The following OPCML variants were observed in gnomAD, a reference collection of about 807,000 sequenced individuals.
The protein encoded by OPCML is opioid binding protein/cell adhesion molecule like.
OPCML carries 13 observed loss-of-function variants against 37.8 expected under a neutral mutation model. The observed-to-expected ratio is 0.34, with a 90% confidence interval of 0.22 to 0.55. The LOEUF (loss-of-function observed/expected upper bound fraction) is 0.55. OPCML is among the 20% of genes least tolerant of loss of function. The probability of loss-of-function intolerance (pLI) is 0.91; values close to 1 mark genes in which losing one functional copy is unlikely to be tolerated. For missense variants in OPCML, 341 were observed against 435.6 expected, an observed-to-expected ratio of 0.78 and a Z score of 1.93; for synonymous variants, 176 against 168.8, an observed-to-expected ratio of 1.04 and a Z score of -0.33.
At chr11:132,765,515 T>A (rs150755207) in intron 2 of OPCML, among the ~76,000 whole-genome samples, 109 of 151,902 alleles carry the variant, frequency 7.2e-4, no homozygotes, top group Middle Eastern at 3.4e-3. Context: ...TAATTCCTGA[T>A]ATGAGCAGAT....
intron 1 of OPCML, chr11:133,007,125 C>T: frequency 1.0e-6 from 1 of 985,392 alleles, no homozygotes; most frequent in Non-Finnish European, 1.2e-6. Context: ...TTATTTTCCC[C>T]AAACTTATCA....
At chr11:133,360,746 G>T (rs192827490) in intron 1 of OPCML, 1 of 152,184 alleles carries the variant, frequency 6.6e-6, no homozygotes, top group Non-Finnish European at 1.5e-5. Flanking sequence ...CGGCCACGTG[G>T]GGAATATTTA....
intron 3 of OPCML, among the ~76,000 whole-genome samples, chr11:132,585,858 A>C (rs780841009): frequency 6.6e-6 from 1 of 152,216 alleles, no homozygotes; most frequent in South Asian, 2.1e-4. Context: ...CAGAGCTGGC[A>C]AAGATTTCAA....
At chr11:133,086,602 A>G (rs538974385) in intron 1 of OPCML, among the ~76,000 whole-genome samples, 1 of 151,056 alleles carries the variant, frequency 6.6e-6, no homozygotes, top group East Asian at 1.9e-4. Flanking sequence ...GATGTAATGC[A>G]TGGTGTAATG....
intron 1 of OPCML, among the ~76,000 whole-genome samples, chr11:133,280,724 G>C (rs1942122751): frequency 6.6e-6 from 1 of 152,088 alleles, no homozygotes; most frequent in Non-Finnish European, 1.5e-5. Flanking sequence ...GTAGAAGCTG[G>C]TACCCTGGTT....
rs550727049 is a variant in OPCML, at chr11:133,300,892, T to A, written c.61+231372A>T. On this transcript the variant is annotated intron_variant, in intron 1 of 7. Transcript: ENST00000524381. ...AGGCATGTGGGCAGCCGCCAGAAGCTGGAAGAGAGGAGAAAAGGACTCTCC... is the reference window on the plus strand; with the variant it reads ...AGGCATGTGGGCAGCCGCCAGAAGCAGGAAGAGAGGAGAAAAGGACTCTCC... 1.7e-3 allele frequency: 259 copies of A among 152,258 alleles called. 2 individuals carry two copies. Among genetic ancestry groups the A allele is most frequent in the African/African-American group, 5.8e-3 (240 of 41,550 alleles). The allele number at this position is 152,258 out of a possible 1,614,324, so 9.4% of individuals were successfully genotyped here. A position where few individuals can be genotyped will look rare whatever the true frequency, so the allele number is the denominator to read the frequency against.
intron 1 of OPCML, among the ~76,000 whole-genome samples, chr11:132,945,196 T>A (rs1282840916): frequency 6.6e-6 from 1 of 152,202 alleles, no homozygotes. Context: ...GGGGATACAA[T>A]CTGAGAACTG....
At chr11:132,516,297 C>T (rs1022705516) in intron 4 of OPCML, among the ~76,000 whole-genome samples, 13 of 152,176 alleles carry the variant, frequency 8.5e-5, no homozygotes, top group African/African-American at 3.1e-4. Context: ...ACAGCTAGGA[C>T]TTGAAGTGCC....
rs1375731735 is a variant in OPCML, at chr11:133,161,961, A to G, written c.62-218951T>C. On this transcript the variant is annotated intron_variant, in intron 1 of 7. Transcript: ENST00000524381. ...AGATCAGGGATAACCACAACAAGTA[A>G]CAGGTAAGAGAGGCAGTCTCTGTCT... 4.7e-5 allele frequency among the ~76,000 whole-genome samples: 7 copies of G among 150,270 alleles called. No homozygotes were observed. The East Asian group carries it at 5.9e-4, about 13-fold the overall frequency.
chr11:133,176,346 T>C (rs1323180730), intron 1 of OPCML, among the ~76,000 whole-genome samples: 1 of 151,574 alleles, frequency 6.6e-6, no homozygotes, highest in Non-Finnish European at 1.5e-5. Flanking sequence ...CCTTTTTTTT[T>C]TTTTTTCATT....
chr11:133,421,080 AACAT>A, intron 1 of OPCML: 1 of 985,418 alleles, frequency 1.0e-6, no homozygotes, highest in Non-Finnish European at 1.2e-6. Context: ...TTGGAGGGCA[AACAT>A]AATCTGCGGT....
At chr11:133,008,150 T>C (rs756269438) in intron 1 of OPCML, 16 of 985,330 alleles carry the variant, frequency 1.6e-5, no homozygotes, top group Non-Finnish European at 1.9e-5. Context: ...GAAAGATGGC[T>C]TTAAAATAAC....
chr11:133,115,182 G>T (rs1385686058), intron 1 of OPCML, among the ~76,000 whole-genome samples: 2 of 152,212 alleles, frequency 1.3e-5, no homozygotes, highest in Non-Finnish European at 2.9e-5. Flanking sequence ...GCTCAGCAAA[G>T]CTACCTGCAT....
intron 4 of OPCML, among the ~76,000 whole-genome samples, chr11:132,463,848 T>A (rs897290210): frequency 6.6e-6 from 1 of 152,212 alleles, no homozygotes. Context: ...CTATTGCTAG[T>A]CTAGCTACTG....
At chr11:133,323,343 C>T (rs1216612310) in intron 1 of OPCML, among the ~76,000 whole-genome samples, 1 of 152,188 alleles carries the variant, frequency 6.6e-6, no homozygotes, top group Non-Finnish European at 1.5e-5. Flanking sequence ...GTAAAACACC[C>T]TCACATAGGA....
intron 4 of OPCML, 77 bp downstream of exon 4, chr11:132,528,984 C>A: frequency 2.6e-6 from 2 of 782,980 alleles, no homozygotes; most frequent in Non-Finnish European, 4.1e-6. Flanking sequence ...TTTTCTGATT[C>A]CTGAAGCTCT....
intron 1 of OPCML, among the ~76,000 whole-genome samples, chr11:133,314,776 A>G (rs1472129966): frequency 1.3e-5 from 2 of 152,208 alleles, no homozygotes; most frequent in African/African-American, 4.8e-5. Context: ...GCTCCCAAGC[A>G]ATGGACATTG....
At chr11:133,362,841 G>A (rs780021733) in intron 1 of OPCML, among the ~76,000 whole-genome samples, 1 of 151,940 alleles carries the variant, frequency 6.6e-6, no homozygotes, top group Non-Finnish European at 1.5e-5. Flanking sequence ...CTTCTGCCCC[G>A]CTAGAGTTGT....
In OPCML at chr11:132,441,490, G is replaced by C. The variant is rs1390546696; in HGVS notation, c.506-4131C>G. Among the ~76,000 whole-genome samples the C allele has an allele frequency of 3.9e-5, 6 of 152,150 alleles. No homozygotes were observed. In the South Asian group the frequency reaches 1.2e-3, roughly 31 times the overall value. On this transcript the variant is annotated intron_variant, in intron 4 of 7. Transcript: ENST00000524381. Reference sequence around the variant, plus strand: ...GCCCACCAAGGACTTTTTTAAAAAGGCTGTAAGACTGCAATATTTTCCTTG... The same window carrying C: ...GCCCACCAAGGACTTTTTTAAAAAGCCTGTAAGACTGCAATATTTTCCTTG...
Sources: allele counts gnomAD v4.1 joint callset (sites outside exome capture counted in the v4.1 genomes callset), GRCh38; gene constraint gnomAD v4.1.1; transcripts MANE v1.5; gene names NCBI Gene and HGNC (gene_info 2026-07-23, HGNC 2026-07-21).